Variants in STK24 observed in about 807,000 individuals in gnomAD.
STK24 encodes serine/threonine-protein kinase 24.
A neutral mutation model predicts 55.6 loss-of-function variants in STK24; 21 were observed. The observed-to-expected ratio is 0.38, with a 90% CI of 0.27 to 0.54. The LOEUF is 0.54. Ranked by LOEUF, STK24 falls within the 20% of genes least tolerant of loss-of-function variation. The pLI is 0.79. For synonymous variants in STK24, 200 were observed against 215.2 expected (o/e 0.93, Z 0.62); for missense variants, 383 against 538.4 (o/e 0.71, Z 2.86).
chr13:98,550,258 G>GC, intron 1 of STK24, among the ~76,000 whole-genome samples: 1 of 152,322 alleles, frequency 6.6e-6, no homozygotes, highest in Non-Finnish European at 1.5e-5. Context: ...ATAGGAACAG[G>GC]CCAAGCACAG....
At chr13:98,509,196 G>C (rs1458568621) in intron 2 of STK24, among the ~76,000 whole-genome samples, 2 of 152,128 alleles carry the variant, frequency 1.3e-5, no homozygotes, top group African/African-American at 4.8e-5. Context: ...TAATGGTTAA[G>C]AACATACATA....
chr13:98,573,935 G>T (rs1188388001), intron 1 of STK24, among the ~76,000 whole-genome samples: 1 of 152,134 alleles, frequency 6.6e-6, no homozygotes, highest in African/African-American at 2.4e-5. Flanking sequence ...ATTGAAAAAT[G>T]GTGTTTATAC....
intron 1 of STK24, among the ~76,000 whole-genome samples, chr13:98,526,947 C>A (rs1162051626): frequency 6.6e-6 from 1 of 152,162 alleles, no homozygotes; most frequent in African/African-American, 2.4e-5. Flanking sequence ...CTGCTGATAC[C>A]GACCCCATGT....
At chr13:98,544,482 G>A (rs1896980245) in intron 1 of STK24, among the ~76,000 whole-genome samples, 1 of 152,244 alleles carries the variant, frequency 6.6e-6, no homozygotes, top group African/African-American at 2.4e-5. Context: ...CCCCCCTGGA[G>A]TATCTCATCC....
At chr13:98,501,664 TTAAAAA>T (rs1305239225) in intron 2 of STK24, among the ~76,000 whole-genome samples, 1 of 151,854 alleles carries the variant, frequency 6.6e-6, no homozygotes, top group Non-Finnish European at 1.5e-5. Context: ...CCCACAAAAA[TTAAAAA>T]TAAAGCTTAA....
At chr13:98,511,320 C>T (rs1895870232) in intron 2 of STK24, among the ~76,000 whole-genome samples, 1 of 152,198 alleles carries the variant, frequency 6.6e-6, no homozygotes, top group Admixed American at 6.5e-5. Context: ...CCATTCCACA[C>T]CTACTAAAAT....
Position 98,446,115 on chromosome 13 carries a change from CCTG to C in STK24, c.*7055_*7057del. On this transcript the variant is annotated 3_prime_UTR_variant, in exon 11 of 11. Transcript: ENST00000539966. ...CCTTTCAGAATCAGTTGTCTGGAAA[CCTG>C]CTGAGGAAATTCAAAAACAGCAACG... The C allele has an allele frequency of 6.2e-7, 1 of 1,613,694 alleles. No individual in the cohort carries two copies. The highest frequency in any genetic ancestry group is 8.5e-7 in the Non-Finnish European group (1 of 1,179,620).
At chr13:98,559,974 T>G (rs1897377696) in intron 1 of STK24, among the ~76,000 whole-genome samples, 1 of 152,046 alleles carries the variant, frequency 6.6e-6, no homozygotes, top group South Asian at 2.1e-4. Flanking sequence ...CATAGTGAAC[T>G]CCCATCTCTT....
intron 1 of STK24, among the ~76,000 whole-genome samples, chr13:98,544,467 C>T (rs1297905193): frequency 2.0e-5 from 3 of 152,230 alleles, no homozygotes; most frequent in East Asian, 1.9e-4. Flanking sequence ...CTGGGAGTGG[C>T]GCAGCCCCCC....
chr13:98,571,988 C>T (rs531115363), intron 1 of STK24, among the ~76,000 whole-genome samples: 31 of 152,328 alleles, frequency 2.0e-4, no homozygotes, highest in African/African-American at 7.0e-4. Flanking sequence ...GCCATACTTC[C>T]GGCTGTCTAC....
intron 5 of STK24, among the ~76,000 whole-genome samples, chr13:98,469,543 C>T (rs34187339): frequency 7.3e-6 from 1 of 136,242 alleles, no homozygotes; most frequent in Non-Finnish European, 1.7e-5. Context: ...ATCCCCCCCC[C>T]CAAAAAAAAA....
At chr13:98,563,394 A>T (rs1274081710) in intron 1 of STK24, among the ~76,000 whole-genome samples, 2 of 152,208 alleles carry the variant, frequency 1.3e-5, no homozygotes, top group Admixed American at 1.3e-4. Context: ...GCAGAAGACA[A>T]AGCAGGGGAA....
chr13:98,553,312 G>T (rs1419866183), intron 1 of STK24: 2 of 152,236 alleles, frequency 1.3e-5, no homozygotes, highest in Non-Finnish European at 2.9e-5. Context: ...CCTGCCGGTG[G>T]GGAGCACAAG....
chr13:98,472,713 T>A (rs1317751821), intron 5 of STK24, among the ~76,000 whole-genome samples: 1 of 152,174 alleles, frequency 6.6e-6, no homozygotes, highest in East Asian at 1.9e-4. Context: ...TTCTGACATA[T>A]GTAATCATCT....
At chr13:98,482,157 C>A in intron 3 of STK24, 108 bp downstream of exon 3, 2 of 547,698 alleles carry the variant, frequency 3.7e-6, no homozygotes, top group Non-Finnish European at 3.1e-6. Flanking sequence ...TTTTTTAATG[C>A]AACTTGAAAG....
chr13:98,573,394 G>A (rs377413935), intron 1 of STK24, among the ~76,000 whole-genome samples: 1 of 152,272 alleles, frequency 6.6e-6, no homozygotes, highest in Admixed American at 6.5e-5. Context: ...AATGAAAGAC[G>A]GAGTACTTAT....
chr13:98,545,291 G>A (rs1161121521), intron 1 of STK24, among the ~76,000 whole-genome samples: 1 of 152,184 alleles, frequency 6.6e-6, no homozygotes, highest in Non-Finnish European at 1.5e-5. Context: ...TTTCACACAG[G>A]CATATTTCGG....
chr13:98,449,313 G>A lies in STK24; in HGVS notation c.*3860C>T, dbSNP rs1893068068. 6.6e-6 allele frequency: 1 copy of A among 152,176 alleles called. No homozygotes were observed. The highest frequency in any genetic ancestry group is 2.4e-5 in the African/African-American group (1 of 41,436). 9.4% of individuals were successfully genotyped at this position (152,176 alleles called of 1,614,324 possible). A position where few individuals can be genotyped will look rare whatever the true frequency, so the allele number is the denominator to read the frequency against. On this transcript the variant is annotated 3_prime_UTR_variant, in exon 11 of 11. Coordinates refer to ENST00000539966, the MANE Select transcript of STK24 (RefSeq NM_001032296.4). Reference sequence around the variant, plus strand: ...TTCTCTAGTAGTATATATCGTGCCTGTCTTCAAAAACATTTCCCTTTTTAT... The same window carrying A: ...TTCTCTAGTAGTATATATCGTGCCTATCTTCAAAAACATTTCCCTTTTTAT...
chr13:98,516,471 T>C (rs1030244915), intron 2 of STK24, among the ~76,000 whole-genome samples: 1 of 152,252 alleles, frequency 6.6e-6, no homozygotes, highest in African/African-American at 2.4e-5. Flanking sequence ...GCCAGCCTAC[T>C]GTGCACACAG....
Sources: gnomAD v4.1 joint callset for allele counts (sites outside exome capture counted in the v4.1 genomes callset) on GRCh38, gnomAD v4.1.1 for gene constraint, MANE v1.5 for transcripts, NCBI Gene and HGNC (gene_info 2026-07-23, HGNC 2026-07-21) for gene names.